LHFPL2: variants seen among roughly 807,000 people sequenced by gnomAD.
LHFPL2 encodes the protein LHFPL tetraspan subfamily member 2.
Under a neutral mutation model 17.5 loss-of-function variants are expected in LHFPL2, and 7 were observed. The observed-to-expected ratio is 0.40, with a 90% CI of 0.23 to 0.75. LHFPL2 has a LOEUF of 0.75. Ranked by LOEUF, LHFPL2 falls within the 30% of genes least tolerant of loss-of-function variation. The pLI, the probability that LHFPL2 is intolerant of heterozygous loss-of-function variation, is 0.37. For synonymous variants in LHFPL2, 134 were observed against 116.2 expected, an observed-to-expected ratio of 1.15 and a Z score of -0.99; for missense variants, 241 against 294.8, an observed-to-expected ratio of 0.82 and a Z score of 1.34.
intron 2 of LHFPL2, among the ~76,000 whole-genome samples, chr5:78,569,582 T>C (rs1430939709): frequency 6.6e-6 from 1 of 152,174 alleles, no homozygotes; most frequent in Non-Finnish European, 1.5e-5. Flanking sequence ...GGGTCAGCCA[T>C]TGAAGGATTG....
intron 1 of LHFPL2, among the ~76,000 whole-genome samples, chr5:78,636,086 G>A (rs538431204): frequency 6.6e-6 from 1 of 152,244 alleles, no homozygotes; most frequent in South Asian, 2.1e-4. Flanking sequence ...GGCATCCTGT[G>A]CTCTTCTTGA....
At chr5:78,494,505 T>TG (rs972659562) in intron 4 of LHFPL2, 17 of 985,302 alleles carry the variant, frequency 1.7e-5, no homozygotes, top group Non-Finnish European at 1.8e-5. Flanking sequence ...CTGCTGGCAA[T>TG]GGGGGGATCA....
intron 2 of LHFPL2, among the ~76,000 whole-genome samples, chr5:78,618,987 T>C (rs922548576): frequency 6.6e-6 from 1 of 152,080 alleles, no homozygotes; most frequent in Non-Finnish European, 1.5e-5. Flanking sequence ...CAAAAAAATA[T>C]CTGAACTGAC....
At position 78,585,289 on chromosome 5, in the gene LHFPL2, G is replaced by A. The variant is rs1224185960; in HGVS notation, c.-244-20418C>T. Among the ~76,000 whole-genome samples, 4 of 122,638 alleles carry A rather than the reference G, an allele frequency of 3.3e-5. 2 individuals carry two copies. The highest frequency in any genetic ancestry group is 7.7e-5 in the Non-Finnish European group (4 of 52,108). The allele number at this position is 122,638 out of a possible 152,430, so 80.5% of individuals were successfully genotyped here. A position where few individuals can be genotyped will look rare whatever the true frequency, so the allele number is the denominator to read the frequency against. On this transcript the variant is annotated intron_variant, in intron 2 of 4. Transcript: ENST00000380345. ...CCCAAAGTGCTGGGATTACAGGCGT[G>A]AGCCACCGCGCCCGGCCTGGTGCGC...
At chr5:78,560,931 A>G (rs1432318480) in intron 3 of LHFPL2, among the ~76,000 whole-genome samples, 1 of 152,224 alleles carries the variant, frequency 6.6e-6, no homozygotes, top group Non-Finnish European at 1.5e-5. Context: ...AGCCATGTGT[A>G]TTAATTAAAA....
intron 3 of LHFPL2, among the ~76,000 whole-genome samples, chr5:78,560,786 C>T (rs559236610): frequency 1.3e-5 from 2 of 151,948 alleles, no homozygotes; most frequent in African/African-American, 4.8e-5. Context: ...ATGAACAAAA[C>T]CTTAAAAAAA....
intron 2 of LHFPL2, among the ~76,000 whole-genome samples, chr5:78,622,474 A>G (rs186621914): frequency 1.2e-4 from 19 of 152,336 alleles, no homozygotes; most frequent in Middle Eastern, 3.4e-3. Flanking sequence ...GGAGAGAAGA[A>G]TAATTTGCCT....
At chr5:78,547,340 T>G (rs1756308553) in intron 3 of LHFPL2, among the ~76,000 whole-genome samples, 1 of 152,210 alleles carries the variant, frequency 6.6e-6, no homozygotes, top group African/African-American at 2.4e-5. Flanking sequence ...CCTTCCTTTC[T>G]TTGTTTTACT....
At position 78,556,889 on chromosome 5, in the gene LHFPL2, T is replaced by C. The variant is rs570502051; in HGVS notation, c.-186+7924A>G. ...AACTGATTTTTTCCCTGCATGCTTA[T>C]ACATTTCTGTATGAACTTGGGTGAT... On this transcript the variant is annotated intron_variant, in intron 3 of 4. Transcript: ENST00000380345. 1.4e-4 allele frequency among the ~76,000 whole-genome samples: 22 copies of C among 152,262 alleles called. No homozygotes were observed. The East Asian group carries it at 4.1e-3, about 28-fold the overall frequency.
rs1490631743 is a variant in LHFPL2, at chr5:78,585,272, G to T, written c.-244-20401C>A. Among the ~76,000 whole-genome samples the T allele has an allele frequency of 2.1e-5, 2 of 96,410 alleles. 1 individual carries two copies. Among genetic ancestry groups the T allele is most frequent in the Non-Finnish European group, 4.8e-5 (2 of 41,736 alleles). 63.2% of individuals were successfully genotyped at this position (96,410 alleles called of 152,430 possible). On this transcript the variant is annotated intron_variant, in intron 2 of 4. Coordinates refer to ENST00000380345, the MANE Select transcript of LHFPL2 (RefSeq NM_005779.3). Reference sequence around the variant, plus strand: ...TCCGCCCGCCTCGGCCTCCCAAAGTGCTGGGATTACAGGCGTGAGCCACCG... The same window carrying T: ...TCCGCCCGCCTCGGCCTCCCAAAGTTCTGGGATTACAGGCGTGAGCCACCG...
At chr5:78,545,564 G>C (rs1031136109) in intron 3 of LHFPL2, among the ~76,000 whole-genome samples, 4 of 152,356 alleles carry the variant, frequency 2.6e-5, no homozygotes, top group East Asian at 3.9e-4. Context: ...CTTGCTCCAT[G>C]AGACGAACTC....
chr5:78,555,740 T>C (rs1430642349), intron 3 of LHFPL2, among the ~76,000 whole-genome samples: 1 of 152,040 alleles, frequency 6.6e-6, no homozygotes, highest in Admixed American at 6.6e-5. Context: ...GGCCTGCAAG[T>C]AGCAGCTGAA....
intron 3 of LHFPL2, among the ~76,000 whole-genome samples, chr5:78,537,259 C>G (rs995691126): frequency 1.3e-5 from 2 of 152,202 alleles, no homozygotes; most frequent in Admixed American, 1.3e-4. Context: ...ATCACTCTGG[C>G]TGGCATTCCA....
chr5:78,594,239 A>G (rs1743749520), intron 2 of LHFPL2, among the ~76,000 whole-genome samples: 1 of 152,174 alleles, frequency 6.6e-6, no homozygotes, highest in Non-Finnish European at 1.5e-5. Context: ...ATTCGGCCCT[A>G]TGTAGCATGT....
At chr5:78,560,509 C>T (rs1252076098) in intron 3 of LHFPL2, among the ~76,000 whole-genome samples, 1 of 152,132 alleles carries the variant, frequency 6.6e-6, no homozygotes, top group Non-Finnish European at 1.5e-5. Context: ...CAACAAATGT[C>T]AAAGTCAACA....
chr5:78,633,910 G>GA (rs1745336801), intron 1 of LHFPL2, among the ~76,000 whole-genome samples: 1 of 152,074 alleles, frequency 6.6e-6, no homozygotes, highest in Admixed American at 6.5e-5. Flanking sequence ...CTCCATAAAT[G>GA]AAACAGTGAG....
At chr5:78,545,568 C>G (rs866947943) in intron 3 of LHFPL2, among the ~76,000 whole-genome samples, 5 of 152,212 alleles carry the variant, frequency 3.3e-5, no homozygotes, top group Admixed American at 1.3e-4. Context: ...CTCCATGAGA[C>G]GAACTCACTA....
At chr5:78,622,359 T>A (rs1365388493) in intron 2 of LHFPL2, among the ~76,000 whole-genome samples, 1 of 152,236 alleles carries the variant, frequency 6.6e-6, no homozygotes, top group Non-Finnish European at 1.5e-5. Context: ...GACTACTTAC[T>A]AAATTCCAGG....
In LHFPL2 at chr5:78,614,480, T is replaced by C. The variant is rs114562254; in HGVS notation, c.-245+17784A>G. Reference sequence around the variant, plus strand: ...TCCACCTCTGGAATTAGAAAAGCAGTGTTAAATCAAACTGATACAAGTGGT... The same window carrying C: ...TCCACCTCTGGAATTAGAAAAGCAGCGTTAAATCAAACTGATACAAGTGGT... On this transcript the variant is annotated intron_variant, in intron 2 of 4. Transcript: ENST00000380345. 7.6e-3 allele frequency among the ~76,000 whole-genome samples: 1,164 copies of C among 152,388 alleles called. 14 individuals carry two copies. The highest frequency in any genetic ancestry group is 0.026 in the African/African-American group (1,088 of 41,590).
Sources: gnomAD v4.1 joint callset for allele counts (sites outside exome capture counted in the v4.1 genomes callset) on GRCh38, gnomAD v4.1.1 for gene constraint, MANE v1.5 for transcripts, NCBI Gene and HGNC (gene_info 2026-07-23, HGNC 2026-07-21) for gene names.